The following MAP3K5 variants were observed in gnomAD, a reference collection of about 807,000 sequenced individuals.
MAP3K5 encodes the protein mitogen-activated protein kinase kinase kinase 5.
In MAP3K5, 56 loss-of-function variants were observed where a neutral mutation model predicts 158.7. That is an observed-to-expected ratio of 0.35 (90% CI 0.28 to 0.44). MAP3K5 has a LOEUF of 0.44. Ranked by LOEUF, MAP3K5 falls within the 20% of genes least tolerant of loss-of-function variation. The pLI, the probability that MAP3K5 is intolerant of heterozygous loss-of-function variation, is 1.00. For missense variants in MAP3K5, 1,294 were observed against 1,674.8 expected, an observed-to-expected ratio of 0.77 and a Z score of 3.97; for synonymous variants, 579 against 601.7, an observed-to-expected ratio of 0.96 and a Z score of 0.55.
intron 19 of MAP3K5, among the ~76,000 whole-genome samples, chr6:136,603,176 C>CTTTT (rs397962146): frequency 2.2e-5 from 3 of 139,494 alleles, no homozygotes; most frequent in African/African-American, 7.8e-5. Context: ...TATACAGGTA[C>CTTTT]TTTTTTTTTT....
intron 7 of MAP3K5, among the ~76,000 whole-genome samples, chr6:136,685,341 C>T (rs572694762): frequency 1.3e-5 from 2 of 152,058 alleles, no homozygotes; most frequent in Non-Finnish European, 2.9e-5. Flanking sequence ...TAATAATAAT[C>T]TAAACCATTT....
At position 136,652,985 on chromosome 6, in the gene MAP3K5, T is replaced by C. The variant is rs142359075; in HGVS notation, c.1681-1894A>G. 1.2e-3 allele frequency among the ~76,000 whole-genome samples: 179 copies of C among 152,320 alleles called. 3 individuals are homozygous for C. Among genetic ancestry groups the C allele is most frequent in the African/African-American group, 4.2e-3 (173 of 41,560 alleles). On this transcript the variant is annotated intron_variant, in intron 10 of 29. Coordinates refer to ENST00000359015, the MANE Select transcript of MAP3K5 (RefSeq NM_005923.4). ...ACTTATGAGTTTATATATTCTTGCTTTTAGTTCCTTGTTTTTAGGTTAATA... is the reference window on the plus strand; with the variant it reads ...ACTTATGAGTTTATATATTCTTGCTCTTAGTTCCTTGTTTTTAGGTTAATA...
intron 25 of MAP3K5, among the ~76,000 whole-genome samples, chr6:136,575,111 T>C (rs1774553124): frequency 6.6e-6 from 1 of 151,994 alleles, no homozygotes; most frequent in African/African-American, 2.4e-5. Flanking sequence ...ACAGTTTATA[T>C]ACCTTTGGCA....
intron 12 of MAP3K5, among the ~76,000 whole-genome samples, chr6:136,640,846 G>A (rs796070367): frequency 6.6e-6 from 1 of 152,194 alleles, no homozygotes; most frequent in South Asian, 2.1e-4. Context: ...TCTCTTCTTT[G>A]TGGAGGAGGA....
intron 7 of MAP3K5, among the ~76,000 whole-genome samples, chr6:136,675,978 T>C (rs1191673053): frequency 1.3e-5 from 2 of 152,204 alleles, no homozygotes; most frequent in African/African-American, 2.4e-5. Context: ...AACAACTTTA[T>C]GCCAATAAAT....
chr6:136,750,807 T>C (rs1317909712), intron 1 of MAP3K5, among the ~76,000 whole-genome samples: 1 of 152,228 alleles, frequency 6.6e-6, no homozygotes, highest in Non-Finnish European at 1.5e-5. Context: ...CTGCAGTGTG[T>C]TTACACAATT....
chr6:136,616,493 C>T (rs2237265), intron 15 of MAP3K5, among the ~76,000 whole-genome samples: 43,727 of 151,162 alleles, frequency 0.29, 8,243 homozygotes, highest in African/African-American at 0.52. Flanking sequence ...TTAGTAGAGA[C>T]GGAGTTTCAC....
chr6:136,723,478 G>A (rs1360939632), intron 1 of MAP3K5, among the ~76,000 whole-genome samples: 3 of 151,774 alleles, frequency 2.0e-5, no homozygotes, highest in African/African-American at 7.3e-5. Flanking sequence ...AACTTTTGTT[G>A]GTAATAGCTG....
chr6:136,610,049 C>T (rs1776263723), intron 18 of MAP3K5, among the ~76,000 whole-genome samples: 1 of 152,104 alleles, frequency 6.6e-6, no homozygotes, highest in Admixed American at 6.6e-5. Flanking sequence ...GAGGTACTCC[C>T]ACCTACCTCA....
chr6:136,771,169 G>A (rs576473072), intron 1 of MAP3K5, among the ~76,000 whole-genome samples: 55 of 152,236 alleles, frequency 3.6e-4, no homozygotes, highest in African/African-American at 5.1e-4. Context: ...GGAGTCATCC[G>A]ATACTCAAAA....
At chr6:136,669,898 T>TGTGA (rs1394044773) in intron 7 of MAP3K5, among the ~76,000 whole-genome samples, 2 of 151,020 alleles carry the variant, frequency 1.3e-5, no homozygotes, top group Non-Finnish European at 2.9e-5. Context: ...TGTGTGTGTG[T>TGTGA]GTGTGTGTGT....
chr6:136,719,898 C>G (rs958144363), intron 2 of MAP3K5, among the ~76,000 whole-genome samples: 4 of 152,170 alleles, frequency 2.6e-5, no homozygotes, highest in Non-Finnish European at 5.9e-5. Flanking sequence ...GGAGGAAATG[C>G]CTTTATAGCA....
chr6:136,678,673 C>CTGTTGATTT (rs1176148924), intron 7 of MAP3K5, among the ~76,000 whole-genome samples: 1 of 151,932 alleles, frequency 6.6e-6, no homozygotes, highest in Non-Finnish European at 1.5e-5. Flanking sequence ...ATTTCCACTC[C>CTGTTGATTT]TGTTGATTTT....
chr6:136,763,022 A>G (rs1206928389), intron 1 of MAP3K5, among the ~76,000 whole-genome samples: 2 of 152,168 alleles, frequency 1.3e-5, no homozygotes, highest in African/African-American at 4.8e-5. Flanking sequence ...ATTTTGAGAC[A>G]GGCTCTCACT....
intron 1 of MAP3K5, among the ~76,000 whole-genome samples, chr6:136,764,097 G>C (rs1364294264): frequency 6.6e-6 from 1 of 152,152 alleles, no homozygotes; most frequent in Non-Finnish European, 1.5e-5. Context: ...CTGCCCTGCT[G>C]ATCAGCCAGC....
At chr6:136,764,739 C>T (rs1279985096) in intron 1 of MAP3K5, among the ~76,000 whole-genome samples, 1 of 152,194 alleles carries the variant, frequency 6.6e-6, no homozygotes, top group African/African-American at 2.4e-5. Context: ...GCAAAGCACC[C>T]ACTATAGGCC....
chr6:136,759,981 G>A (rs552164168), intron 1 of MAP3K5, among the ~76,000 whole-genome samples: 1 of 152,086 alleles, frequency 6.6e-6, no homozygotes, highest in East Asian at 1.9e-4. Flanking sequence ...TCAAAGAATA[G>A]GTTCTATCTA....
chr6:136,590,538 C>T (rs1246301116), intron 23 of MAP3K5, among the ~76,000 whole-genome samples: 2 of 150,528 alleles, frequency 1.3e-5, no homozygotes, highest in African/African-American at 2.4e-5. Context: ...ATTTTCTTTT[C>T]TTTTTCTTTT....
intron 23 of MAP3K5, among the ~76,000 whole-genome samples, chr6:136,586,238 T>C (rs1426423793): frequency 6.6e-6 from 1 of 152,228 alleles, no homozygotes; most frequent in African/African-American, 2.4e-5. Flanking sequence ...CATGAAAACA[T>C]GTTCAAGAAG....
Sources: gnomAD v4.1 joint callset for allele counts (sites outside exome capture counted in the v4.1 genomes callset) on GRCh38, gnomAD v4.1.1 for gene constraint, MANE v1.5 for transcripts, NCBI Gene and HGNC (gene_info 2026-07-23, HGNC 2026-07-21) for gene names.